Variants in USP53 observed in about 807,000 individuals in gnomAD.
USP53 encodes the protein ubiquitin specific peptidase 53.
A neutral mutation model predicts 94.9 loss-of-function variants in USP53; 71 were observed. The observed-to-expected ratio is 0.75, with a 90% CI of 0.62 to 0.91. USP53 has a LOEUF of 0.91. Among genes scored for constraint, USP53 ranks in the 40% least tolerant of loss-of-function variants. The probability of loss-of-function intolerance (pLI) is 0.00; values close to 1 mark genes in which losing one functional copy is unlikely to be tolerated. For missense variants in USP53, 1,173 were observed against 1,281.0 expected (o/e 0.92, Z 1.29); for synonymous variants, 375 against 422.7 (o/e 0.89, Z 1.39).
At chr4:119,268,168 C>G in intron 13 of USP53, 100 bp from the exon 14 acceptor site, 1 of 1,122,306 alleles carries the variant, frequency 8.9e-7, no homozygotes, top group Non-Finnish European at 1.2e-6. Flanking sequence ...AGCGAGACTC[C>G]GTCTCAAAAA....
Position 119,269,759 on chromosome 4 carries a change from A to G in USP53, c.1357A>G (p.Ile453Val), listed in dbSNP as rs768443058. 17 of 1,513,894 alleles carry G rather than the reference A, an allele frequency of 1.1e-5. No homozygotes were observed. The highest frequency in any genetic ancestry group is 2.2e-5 in the Admixed American group (1 of 46,292). The allele number at this position is 1,513,894 out of a possible 1,614,324, so 93.8% of individuals were successfully genotyped here. The change falls in exon 15 of 19, where the codon ATT becomes GTT. Residue 453 changes from isoleucine (I) to valine (V), a missense_variant. Coordinates refer to ENST00000692078, the MANE Select transcript of USP53 (RefSeq NM_001371395.1). Reference sequence around the variant, plus strand: ...TTCCAGAGAATGTGCTCTGAAAGCTATTGAACAGAAAAACTTACTTTCTTC... The same window carrying G: ...TTCCAGAGAATGTGCTCTGAAAGCTGTTGAACAGAAAAACTTACTTTCTTC... ...DISRECALKA[I>V]EQKNLLSSQR...
chr4:119,258,305 G>A (rs1008203959), intron 9 of USP53, among the ~76,000 whole-genome samples: 1 of 152,118 alleles, frequency 6.6e-6, no homozygotes, highest in Non-Finnish European at 1.5e-5. Context: ...GCTTTCTAGT[G>A]TACTCTTGAA....
chr4:119,286,743 T>C (rs1479782060), intron 17 of USP53, among the ~76,000 whole-genome samples: 1 of 152,052 alleles, frequency 6.6e-6, no homozygotes, highest in Non-Finnish European at 1.5e-5. Context: ...TCACACTGGG[T>C]AGCAAATTAC....
intron 3 of USP53, among the ~76,000 whole-genome samples, chr4:119,229,012 G>A (rs190911799): frequency 1.3e-4 from 20 of 152,294 alleles, no homozygotes; most frequent in African/African-American, 4.6e-4. Flanking sequence ...TAGACCTTCT[G>A]TTAGAGTTAG....
chr4:119,240,898 G>C (rs931907953), intron 5 of USP53, among the ~76,000 whole-genome samples: 12 of 152,186 alleles, frequency 7.9e-5, no homozygotes, highest in African/African-American at 2.9e-4. Context: ...GTTCTGCCCT[G>C]GCTCAAAGAT....
chr4:119,285,993 C>A (rs1203937418), intron 17 of USP53, among the ~76,000 whole-genome samples: 2 of 151,698 alleles, frequency 1.3e-5, no homozygotes, highest in Non-Finnish European at 3.0e-5. Flanking sequence ...TTTATTGACT[C>A]CTGCTTTATT....
rs183559053 is a variant in USP53, at chr4:119,280,090, T to C, written c.2251+6382T>C. 4.0e-3 allele frequency among the ~76,000 whole-genome samples: 605 copies of C among 152,346 alleles called. 3 individuals carry two copies. The highest frequency in any genetic ancestry group is 0.013 in the African/African-American group (546 of 41,576). ...GTCGCTCACGCTGGGAGCTGTAGACTGGAGCTGTTCCTATTCGGCCATCTT... is the reference window on the plus strand; with the variant it reads ...GTCGCTCACGCTGGGAGCTGTAGACCGGAGCTGTTCCTATTCGGCCATCTT... On this transcript the variant is annotated intron_variant, in intron 17 of 18. Coordinates refer to ENST00000692078, the MANE Select transcript of USP53 (RefSeq NM_001371395.1).
At chr4:119,286,828 A>T (rs1754164327) in intron 17 of USP53, among the ~76,000 whole-genome samples, 1 of 152,024 alleles carries the variant, frequency 6.6e-6, no homozygotes, top group Non-Finnish European at 1.5e-5. Context: ...TTCTTGTCAC[A>T]TCTTTTTTTA....
At chr4:119,228,641 G>A (rs966355024) in intron 3 of USP53, among the ~76,000 whole-genome samples, 13 of 152,126 alleles carry the variant, frequency 8.5e-5, no homozygotes, top group Admixed American at 2.6e-4. Context: ...GAGCTTCTCA[G>A]GGTGATGGAA....
At chr4:119,275,223 G>T (rs1752458079) in intron 17 of USP53, among the ~76,000 whole-genome samples, 1 of 75,716 alleles carries the variant, frequency 1.3e-5, no homozygotes, top group Admixed American at 1.4e-4. Context: ...GGGTTTTTAT[G>T]GTTTTAGGTC....
intron 14 of USP53, among the ~76,000 whole-genome samples, chr4:119,269,453 T>C (rs866094895): frequency 3.3e-5 from 5 of 152,208 alleles, no homozygotes; most frequent in Admixed American, 6.5e-5. Flanking sequence ...CAGATCTCTT[T>C]CTTTTTTTAT....
intron 2 of USP53, among the ~76,000 whole-genome samples, chr4:119,217,111 T>TA (rs1412318420): frequency 6.6e-6 from 1 of 152,154 alleles, no homozygotes; most frequent in Non-Finnish European, 1.5e-5. Context: ...AGAGGAGGAA[T>TA]AAAATATCTA....
At position 119,261,789 on chromosome 4, in the gene USP53, C is replaced by T. The variant is rs1247489337; in HGVS notation, c.897C>T (p.Ser299=). ...TTGTTGGTATGATCTGCTACACCAG[C>T]CAACATTATTGTGCCTTTGCATTTC... ...LNLVGMICYT[S]QHYCAFAFHT... Residue 299 remains serine (S), a synonymous_variant, in exon 12 of 19, where the codon AGC becomes AGT. Transcript: ENST00000692078. 1.3e-6 allele frequency: 2 copies of T among 1,533,150 alleles called. No homozygotes were observed. Among genetic ancestry groups the T allele is most frequent in the Admixed American group, 1.7e-5 (1 of 57,602 alleles). 95.0% of individuals were successfully genotyped at this position (1,533,150 alleles called of 1,614,324 possible). A position where few individuals can be genotyped will look rare whatever the true frequency, so the allele number is the denominator to read the frequency against.
intron 11 of USP53, 54 bp downstream of exon 11, chr4:119,260,707 A>G: frequency 6.3e-7 from 1 of 1,591,262 alleles, no homozygotes; most frequent in South Asian, 1.1e-5. Flanking sequence ...CTTCTAAAAC[A>G]TCATCCTGAT....
intron 3 of USP53, among the ~76,000 whole-genome samples, chr4:119,222,786 GATTTTCTTTCTTTT>G (rs1744724966): frequency 6.6e-6 from 1 of 151,964 alleles, no homozygotes; most frequent in Admixed American, 6.6e-5. Context: ...ACATCTCTTT[GATTTTCTTTCTTTT>G]GGGTATATAC....
chr4:119,267,855 A>G (rs1345505697), intron 13 of USP53, among the ~76,000 whole-genome samples: 1 of 152,226 alleles, frequency 6.6e-6, no homozygotes, highest in African/African-American at 2.4e-5. Context: ...TTAAGTTTTA[A>G]GTAACTTTTT....
intron 3 of USP53, chr4:119,219,450 A>G (rs1744221061): frequency 6.6e-6 from 1 of 152,234 alleles, no homozygotes; most frequent in African/African-American, 2.4e-5. Flanking sequence ...ACATTGGATT[A>G]GGGTCCACCC....
chr4:119,255,286 T>C (rs972243044), intron 7 of USP53, among the ~76,000 whole-genome samples: 1 of 152,186 alleles, frequency 6.6e-6, no homozygotes, highest in Non-Finnish European at 1.5e-5. Flanking sequence ...CATTTAAGTC[T>C]GCAGAAGCTG....
intron 3 of USP53, among the ~76,000 whole-genome samples, chr4:119,232,657 T>G (rs1302483573): frequency 6.6e-6 from 1 of 152,188 alleles, no homozygotes; most frequent in African/African-American, 2.4e-5. Flanking sequence ...AGACTCACAT[T>G]TGCATTCTCG....
Sources: allele counts gnomAD v4.1 joint callset (sites outside exome capture counted in the v4.1 genomes callset), GRCh38; gene constraint gnomAD v4.1.1; transcripts MANE v1.5; gene names NCBI Gene and HGNC (gene_info 2026-07-23, HGNC 2026-07-21).